The following DYM variants were observed in gnomAD, a reference collection of about 807,000 sequenced individuals.
DYM encodes the protein dymeclin.
Under a neutral mutation model 93.1 loss-of-function variants are expected in DYM, and 78 were observed. The observed-to-expected ratio is 0.84, with a 90% CI of 0.70 to 1.01. The LOEUF (loss-of-function observed/expected upper bound fraction) is 1.01. DYM is among the 50% of genes least tolerant of loss of function. The pLI, the probability that DYM is intolerant of heterozygous loss-of-function variation, is 0.00. For synonymous variants in DYM, 321 were observed against 319.7 expected (o/e 1.00, Z -0.04); for missense variants, 789 against 845.0 (o/e 0.93, Z 0.82).
chr18:49,227,583 GA>G (rs1437529583), intron 13 of DYM, among the ~76,000 whole-genome samples: 6 of 152,152 alleles, frequency 3.9e-5, no homozygotes, highest in African/African-American at 1.4e-4. Flanking sequence ...CTTGTACTCA[GA>G]AGGGTGTGGT....
At chr18:49,133,218 G>T (rs1240602545) in intron 15 of DYM, among the ~76,000 whole-genome samples, 1 of 152,258 alleles carries the variant, frequency 6.6e-6, no homozygotes, top group Non-Finnish European at 1.5e-5. Flanking sequence ...CTTAAAAAAT[G>T]TGAAGACTCT....
chr18:49,371,134 G>GCCAT (rs2067002374), intron 5 of DYM, among the ~76,000 whole-genome samples: 1 of 152,188 alleles, frequency 6.6e-6, no homozygotes, highest in Admixed American at 6.5e-5. Context: ...TGCTAACATG[G>GCCAT]CATCAGGTGT....
At chr18:49,327,488 C>T (rs1023351380) in intron 8 of DYM, among the ~76,000 whole-genome samples, 13 of 152,068 alleles carry the variant, frequency 8.5e-5, no homozygotes, top group East Asian at 3.9e-4. Context: ...TCCTAAGTAG[C>T]GGGGTCTGCA....
intron 8 of DYM, among the ~76,000 whole-genome samples, chr18:49,292,592 G>GAAAAAAAAAAAAAA (rs72415237): frequency 2.4e-4 from 19 of 78,784 alleles, no homozygotes; most frequent in Non-Finnish European, 3.9e-4. Context: ...TTTCCTGTTG[G>GAAAAAAAAAAAAAA]AAAAAAAAAA....
At chr18:49,059,039 CT>C (rs1356111047) in intron 17 of DYM, among the ~76,000 whole-genome samples, 1 of 152,200 alleles carries the variant, frequency 6.6e-6, no homozygotes, top group African/African-American at 2.4e-5. Flanking sequence ...GAAACTTATA[CT>C]GTAAATACAT....
At chr18:49,235,110 A>G (rs1326587589) in intron 13 of DYM, among the ~76,000 whole-genome samples, 1 of 152,252 alleles carries the variant, frequency 6.6e-6, no homozygotes, top group East Asian at 1.9e-4. Flanking sequence ...CAGAGAAACC[A>G]GCAGAGCCAA....
chr18:49,268,315 A>C (rs1032276072), intron 11 of DYM, among the ~76,000 whole-genome samples: 1 of 152,216 alleles, frequency 6.6e-6, no homozygotes, highest in Non-Finnish European at 1.5e-5. Flanking sequence ...GATCAACAAG[A>C]AAGTCAGATT....
chr18:49,364,382 T>C (rs1365857927), intron 5 of DYM, among the ~76,000 whole-genome samples: 1 of 151,794 alleles, frequency 6.6e-6, no homozygotes, highest in Admixed American at 6.6e-5. Context: ...GAGGAAGAGG[T>C]TGCAGTGAAC....
chr18:49,064,818 T>C (rs1184874771), intron 17 of DYM, among the ~76,000 whole-genome samples: 1 of 151,744 alleles, frequency 6.6e-6, no homozygotes, highest in East Asian at 1.9e-4. Context: ...TTCAAAATTG[T>C]AGTTTCTCTC....
chr18:49,415,757 G>A (rs1466220105), intron 2 of DYM, among the ~76,000 whole-genome samples: 2 of 151,974 alleles, frequency 1.3e-5, no homozygotes, highest in Non-Finnish European at 2.9e-5. Context: ...GTGAAACCCT[G>A]TCTCTACTAA....
intron 17 of DYM, among the ~76,000 whole-genome samples, chr18:49,079,695 A>T (rs556955527): frequency 5.3e-5 from 8 of 151,798 alleles, no homozygotes; most frequent in East Asian, 1.9e-4. Context: ...GACACAGCAC[A>T]TGTTTCAGAG....
At chr18:49,050,980 T>C (rs1193783547) in intron 17 of DYM, among the ~76,000 whole-genome samples, 3 of 152,168 alleles carry the variant, frequency 2.0e-5, no homozygotes, top group Non-Finnish European at 4.4e-5. Flanking sequence ...ACAGGTATTA[T>C]TCACTCCATT....
intron 14 of DYM, among the ~76,000 whole-genome samples, chr18:49,174,586 G>GA (rs2089170262): frequency 6.6e-6 from 1 of 152,048 alleles, no homozygotes; most frequent in Admixed American, 6.6e-5. Flanking sequence ...CTACTTTCCT[G>GA]AAAAAAGTGA....
At chr18:49,168,075 AAAAC>A (rs1440514216) in intron 14 of DYM, among the ~76,000 whole-genome samples, 5 of 152,190 alleles carry the variant, frequency 3.3e-5, no homozygotes, top group Admixed American at 2.6e-4. Context: ...TTTAAAATGA[AAAAC>A]AATATTACAC....
chr18:49,145,134 T>TATATACATATATATATAA (rs1555778609), intron 15 of DYM, among the ~76,000 whole-genome samples: 1 of 79,574 alleles, frequency 1.3e-5, no homozygotes, highest in Admixed American at 1.7e-4. Flanking sequence ...TATATATATA[T>TATATACATATATATATAA]AATTTATATA....
At chr18:49,305,355 A>T (rs1404502593) in intron 8 of DYM, among the ~76,000 whole-genome samples, 1 of 152,094 alleles carries the variant, frequency 6.6e-6, no homozygotes, top group Non-Finnish European at 1.5e-5. Flanking sequence ...TCTCAAGTGC[A>T]CCCCCAGCTC....
chr18:49,216,980 G>A (rs1001396227), intron 13 of DYM, among the ~76,000 whole-genome samples: 11 of 152,128 alleles, frequency 7.2e-5, no homozygotes, highest in Non-Finnish European at 1.6e-4. Context: ...AATTCAAACC[G>A]AAGGCAAAGA....
chr18:49,377,470 G>A (rs2067609811), intron 5 of DYM, among the ~76,000 whole-genome samples: 2 of 152,118 alleles, frequency 1.3e-5, no homozygotes, highest in African/African-American at 4.8e-5. Flanking sequence ...TGAGACAGGA[G>A]AATTGCTTGA....
intron 16 of DYM, among the ~76,000 whole-genome samples, chr18:49,104,861 TA>T (rs2080613271): frequency 6.6e-6 from 1 of 152,228 alleles, no homozygotes. Flanking sequence ...GATATTGGTC[TA>T]AAATTCTCTT....
Sources: gnomAD v4.1 joint callset for allele counts (sites outside exome capture counted in the v4.1 genomes callset) on GRCh38, gnomAD v4.1.1 for gene constraint, MANE v1.5 for transcripts, NCBI Gene and HGNC (gene_info 2026-07-23, HGNC 2026-07-21) for gene names.